The following RAB3GAP1 variants were observed in gnomAD, a reference collection of about 807,000 sequenced individuals.
RAB3GAP1 encodes rab3 GTPase-activating protein catalytic subunit.
In RAB3GAP1, 86 loss-of-function variants were observed where a neutral mutation model predicts 130.7. The observed-to-expected ratio is 0.66, with a 90% CI of 0.55 to 0.79. The LOEUF is 0.79. Among genes scored for constraint, RAB3GAP1 ranks in the 30% least tolerant of loss-of-function variants. RAB3GAP1 has a pLI of 0.00. For missense variants in RAB3GAP1, 1,029 were observed against 1,169.4 expected (o/e 0.88, Z 1.75); for synonymous variants, 367 against 401.7 (o/e 0.91, Z 1.03).
chr2:135,174,009 C>G (rs1692936888), downstream of RAB3GAP1, among the ~76,000 whole-genome samples: 1 of 152,250 alleles, frequency 6.6e-6, no homozygotes, highest in Non-Finnish European at 1.5e-5. Flanking sequence ...GACTCTGCCG[C>G]TGGCATTTCT....
chr2:135,082,444 T>C (rs1399572453), intron 3 of RAB3GAP1, among the ~76,000 whole-genome samples: 1 of 146,668 alleles, frequency 6.8e-6, no homozygotes, highest in Non-Finnish European at 1.5e-5. Flanking sequence ...TACACACACT[T>C]TTTTTTTTTT....
At chr2:135,140,176 G>T (rs1324273245) in intron 17 of RAB3GAP1, among the ~76,000 whole-genome samples, 1 of 152,008 alleles carries the variant, frequency 6.6e-6, no homozygotes, top group Non-Finnish European at 1.5e-5. Context: ...TTTCACTTTG[G>T]GCTAATATGA....
In RAB3GAP1 at chr2:135,117,447, TCTTCTTCTGCTTCTG is replaced by T. The variant is rs1458196868; in HGVS notation, c.648+2072_648+2086del. ...TTCTTCTTCTTCTTCTTCTTCTTCT[TCTTCTTCTGCTTCTG>T]CTTCTGCTTCTGCTTCTTCTGCTTC... On this transcript the variant is annotated intron_variant, in intron 7 of 23. Transcript: ENST00000264158. Among the ~76,000 whole-genome samples, 208 of 55,422 alleles carry T rather than the reference TCTTCTTCTGCTTCTG, an allele frequency of 3.8e-3. 1 individual carries two copies. The highest frequency in any genetic ancestry group is 0.014 in the African/African-American group (200 of 14,364). 36.4% of individuals were successfully genotyped at this position (55,422 alleles called of 152,430 possible).
chr2:135,137,998 C>T (rs996764848), intron 17 of RAB3GAP1, among the ~76,000 whole-genome samples: 3 of 151,636 alleles, frequency 2.0e-5, no homozygotes. Context: ...GCTAATTTTT[C>T]GTGGTTTTTA....
chr2:135,070,038 A>G (rs1689424071), intron 3 of RAB3GAP1, among the ~76,000 whole-genome samples: 1 of 152,258 alleles, frequency 6.6e-6, no homozygotes, highest in South Asian at 2.1e-4. Context: ...GCCAATGGCC[A>G]TAAAATGCCA....
intron 3 of RAB3GAP1, among the ~76,000 whole-genome samples, chr2:135,087,425 T>C (rs1383213837): frequency 6.6e-6 from 1 of 152,228 alleles, no homozygotes; most frequent in Admixed American, 6.5e-5. Flanking sequence ...ACAAAATGCC[T>C]GTTGCTGATG....
At chr2:135,055,879 C>T (rs1462614480) in intron 2 of RAB3GAP1, among the ~76,000 whole-genome samples, 9 of 152,006 alleles carry the variant, frequency 5.9e-5, no homozygotes, top group Non-Finnish European at 4.4e-5. Flanking sequence ...CTCTGTCGCC[C>T]AGGCTGGAGT....
At chr2:135,117,750 G>GCTTCTTCTT (rs1691063942) in intron 7 of RAB3GAP1, among the ~76,000 whole-genome samples, 1 of 40,284 alleles carries the variant, frequency 2.5e-5, no homozygotes, top group African/African-American at 9.1e-5. Flanking sequence ...TTCTTCTTCT[G>GCTTCTTCTT]CTTCTGCTTC....
intron 3 of RAB3GAP1, among the ~76,000 whole-genome samples, chr2:135,061,539 T>C (rs990204482): frequency 1.3e-5 from 2 of 152,218 alleles, no homozygotes; most frequent in African/African-American, 4.8e-5. Context: ...TGTGATGATA[T>C]TAATATTGAC....
chr2:135,174,304 C>T (rs1231384779), downstream of RAB3GAP1, among the ~76,000 whole-genome samples: 1 of 143,012 alleles, frequency 7.0e-6, no homozygotes, highest in Non-Finnish European at 1.5e-5. Context: ...CTGCCACCAG[C>T]CCACCACAAG....
chr2:135,164,420 C>A (rs1345217562), intron 22 of RAB3GAP1, among the ~76,000 whole-genome samples, 174 bp from the exon 23 acceptor site: 18 of 152,104 alleles, frequency 1.2e-4, no homozygotes, highest in Non-Finnish European at 7.4e-5. Flanking sequence ...TCAGTTAAGT[C>A]GATAATAATT....
intron 17 of RAB3GAP1, 134 bp downstream of exon 17, chr2:135,136,066 C>T: frequency 8.2e-7 from 1 of 1,214,180 alleles, no homozygotes; most frequent in Non-Finnish European, 1.2e-6. Context: ...TGGCTTACGC[C>T]TGTAATCCCA....
At chr2:135,077,979 T>C (rs1689677875) in intron 3 of RAB3GAP1, among the ~76,000 whole-genome samples, 1 of 152,210 alleles carries the variant, frequency 6.6e-6, no homozygotes, top group Non-Finnish European at 1.5e-5. Flanking sequence ...ACAAATATTT[T>C]CTCCCATTCA....
At chr2:135,112,815 GTCTCTCTCTCTCTC>G (rs377254626) in intron 5 of RAB3GAP1, among the ~76,000 whole-genome samples, 1 of 146,910 alleles carries the variant, frequency 6.8e-6, no homozygotes, top group Non-Finnish European at 1.5e-5. Context: ...AACTGTCAAA[GTCTCTCTCTCTCTC>G]TCTCTCACAC....
chr2:135,052,881 C>A (rs554523242), intron 2 of RAB3GAP1, among the ~76,000 whole-genome samples: 1 of 152,240 alleles, frequency 6.6e-6, no homozygotes, highest in Non-Finnish European at 1.5e-5. Context: ...TGTGCCGCAC[C>A]TCATCCCGTG....
intron 4 of RAB3GAP1, 81 bp downstream of exon 4, chr2:135,091,211 C>T (rs1574100604): frequency 1.5e-6 from 2 of 1,332,454 alleles, no homozygotes; most frequent in East Asian, 4.7e-5. Context: ...TAGTGTTCTT[C>T]CATAGTGTCA....
chr2:135,055,920 T>C (rs1688995555), intron 2 of RAB3GAP1, among the ~76,000 whole-genome samples: 3 of 151,894 alleles, frequency 2.0e-5, no homozygotes, highest in African/African-American at 7.3e-5. Flanking sequence ...CACTGCAAGC[T>C]CTGCCTCCCA....
chr2:135,165,483 A>G (rs1036653816), intron 23 of RAB3GAP1, among the ~76,000 whole-genome samples: 6 of 151,380 alleles, frequency 4.0e-5, no homozygotes, highest in Admixed American at 3.3e-4. Flanking sequence ...AAGAATTTCT[A>G]TGTGTCTACA....
intron 3 of RAB3GAP1, among the ~76,000 whole-genome samples, chr2:135,075,028 CTT>C (rs1456878656): frequency 6.6e-6 from 1 of 152,184 alleles, no homozygotes; most frequent in Non-Finnish European, 1.5e-5. Flanking sequence ...GGACTCCACA[CTT>C]TGCATCATTT....
Sources: gnomAD v4.1 joint callset for allele counts (sites outside exome capture counted in the v4.1 genomes callset) on GRCh38, gnomAD v4.1.1 for gene constraint, MANE v1.5 for transcripts, NCBI Gene and HGNC (gene_info 2026-07-23, HGNC 2026-07-21) for gene names.